Variants in SUN2 observed in about 807,000 individuals in gnomAD.
SUN2 encodes the protein Sad1 and UNC84 domain containing 2, also known as SUN domain-containing protein 2.
In SUN2, 60 loss-of-function variants were observed where a neutral mutation model predicts 100.0. The observed-to-expected ratio is 0.60, with a 90% CI of 0.49 to 0.74. SUN2 has a LOEUF of 0.74. Ranked by LOEUF, SUN2 falls within the 30% of genes least tolerant of loss-of-function variation. The pLI is 0.00. For synonymous variants in SUN2, 367 were observed against 403.3 expected, an observed-to-expected ratio of 0.91 and a Z score of 1.08; for missense variants, 834 against 954.6, an observed-to-expected ratio of 0.87 and a Z score of 1.66.
rs562617920 is a variant in SUN2, at chr22:38,754,947, A to G, written c.-38+816T>C. On this transcript the variant is annotated intron_variant, in intron 1 of 17. Coordinates refer to ENST00000689035, the MANE Select transcript of SUN2 (RefSeq NM_015374.3). ...GAAAAAGGTCGAGGCCCCATTCTCC[A>G]AAACAAGAAGTGAGCCTCTGGGAGC... The G allele has an allele frequency of 7.8e-5, 101 of 1,289,334 alleles. No individual in the cohort carries two copies. In the African/African-American group the frequency reaches 1.4e-3, roughly 18 times the overall value. The allele number at this position is 1,289,334 out of a possible 1,614,324, so 79.9% of individuals were successfully genotyped here. A position where few individuals can be genotyped will look rare whatever the true frequency, so the allele number is the denominator to read the frequency against.
At chr22:38,744,675 G>A (rs2092889038) in intron 8 of SUN2, among the ~76,000 whole-genome samples, 1 of 152,194 alleles carries the variant, frequency 6.6e-6, no homozygotes. Flanking sequence ...AAAATGAAGA[G>A]TTTTATTAAA....
In SUN2 at chr22:38,752,420, G is replaced by A. The variant is rs1017371267; in HGVS notation, c.122+87C>T. ...CACCCAAGGTTGCAACAAGAAGGCAGGGGGATGGCTGGACCACAGGGCGTG... is the reference window on the plus strand; with the variant it reads ...CACCCAAGGTTGCAACAAGAAGGCAAGGGGATGGCTGGACCACAGGGCGTG... On this transcript the variant is annotated intron_variant, in intron 2 of 17. Coordinates refer to ENST00000689035, the MANE Select transcript of SUN2 (RefSeq NM_015374.3). The A allele has an allele frequency of 3.3e-6, 5 of 1,498,934 alleles. No homozygotes were observed. The South Asian group carries it at 5.1e-5, about 15-fold the overall frequency. The allele number at this position is 1,498,934 out of a possible 1,614,324, so 92.9% of individuals were successfully genotyped here. A position where few individuals can be genotyped will look rare whatever the true frequency, so the allele number is the denominator to read the frequency against.
At chr22:38,752,279 T>C (rs1212656487) in intron 2 of SUN2, among the ~76,000 whole-genome samples, 2 of 152,204 alleles carry the variant, frequency 1.3e-5, no homozygotes, top group African/African-American at 4.8e-5. Flanking sequence ...TTTCTAAGCA[T>C]GAGGGCAGCA....
At chr22:38,744,406 G>A (rs894274723) in intron 8 of SUN2, among the ~76,000 whole-genome samples, 2 of 151,942 alleles carry the variant, frequency 1.3e-5, no homozygotes, top group African/African-American at 4.8e-5. Context: ...GTGAGACCCT[G>A]TCTCTACAAA....
chr22:38,749,502 G>A (rs1269371763), intron 6 of SUN2, among the ~76,000 whole-genome samples: 1 of 152,234 alleles, frequency 6.6e-6, no homozygotes, highest in Non-Finnish European at 1.5e-5. Context: ...GTGGCGTTTA[G>A]TAGAATGTGT....
At position 38,739,138 on chromosome 22, in the gene SUN2, C is replaced by A. The variant is rs1301507093; in HGVS notation, c.1664-150G>T. The A allele has an allele frequency of 2.5e-5, 23 of 934,864 alleles. No individual in the cohort carries two copies. The highest frequency in any genetic ancestry group is 3.5e-5 in the Non-Finnish European group (21 of 601,720). 57.9% of individuals were successfully genotyped at this position (934,864 alleles called of 1,614,324 possible). On this transcript the variant is annotated intron_variant, in intron 14 of 17. Transcript: ENST00000689035. This position sits in a 1 kb window ranked among gnomAD's most constrained non-coding sequence, Gnocchi z 6.7. ...AGATGCTCAGAGCAGCTTTAAAGGTCAGCCTCTCCCTGGCCCAGGATGGTA... is the reference window on the plus strand; with the variant it reads ...AGATGCTCAGAGCAGCTTTAAAGGTAAGCCTCTCCCTGGCCCAGGATGGTA...
chr22:38,739,412 G>T lies in SUN2; in HGVS notation c.1593C>A (p.Ile531=), dbSNP rs777909776. 1.2e-6 allele frequency: 2 copies of T among 1,613,090 alleles called. No homozygotes were observed. The highest frequency in any genetic ancestry group is 1.7e-6 in the Non-Finnish European group (2 of 1,180,010). ...TGTAGCGCTGCAGGGCCTGCTTCAC[G>T]ATGTGGTGCACCTGCTGCAATGCAG... ...IGVTEEQVHH[I]VKQALQRYSE... The change falls in exon 14 of 18, where the codon ATC becomes ATA. Residue 531 remains isoleucine (I), a synonymous_variant. Transcript: ENST00000689035. The surrounding 1 kb of genome is among the most constrained non-coding windows in gnomAD (Gnocchi z 6.7).
chr22:38,750,256 G>A lies in SUN2; in HGVS notation c.489C>T (p.Gly163=). Residue 163 remains glycine, a synonymous_variant, in exon 5 of 18, where the codon GGC becomes GGT. Coordinates refer to ENST00000689035, the MANE Select transcript of SUN2 (RefSeq NM_015374.3). ...AAGTGGCCACCATCCAGAGTAAGGAGCCCGCCCGTGAGACGGCGCTTCGGA... is the reference window on the plus strand; with the variant it reads ...AAGTGGCCACCATCCAGAGTAAGGAACCCGCCCGTGAGACGGCGCTTCGGA... ...SRLRSAVSRA[G]SLLWMVATSP... 6.2e-7 allele frequency: 1 copy of A among 1,613,708 alleles called. No homozygotes were observed.
In SUN2 at chr22:38,752,653, C is replaced by A; in HGVS notation, c.-25G>T. 6.2e-7 allele frequency: 1 copy of A among 1,611,868 alleles called. No homozygotes were observed. The highest frequency in any genetic ancestry group is 1.1e-5 in the South Asian group (1 of 90,906). On this transcript the variant is annotated 5_prime_UTR_variant, in exon 2 of 18. Coordinates refer to ENST00000689035, the MANE Select transcript of SUN2 (RefSeq NM_015374.3). ...TGATGAGGTGGGATGTGGACTCTTC[C>A]CCTGAAGAGAATCTAAGGAGAGAGA...
chr22:38,755,130 T>A lies in SUN2; in HGVS notation c.-38+633A>T. 1.0e-6 allele frequency: 1 copy of A among 989,352 alleles called. No homozygotes were observed. Among genetic ancestry groups the A allele is most frequent in the Non-Finnish European group, 1.3e-6 (1 of 757,310 alleles). The allele number at this position is 989,352 out of a possible 1,614,324, so 61.3% of individuals were successfully genotyped here. ...CCCTTCCCCATCACAAACATCTCCA[T>A]CCATCTTCAGACTTAAACCAGATCT... On this transcript the variant is annotated intron_variant, in intron 1 of 17. Coordinates refer to ENST00000689035, the MANE Select transcript of SUN2 (RefSeq NM_015374.3). The surrounding 1 kb of genome is among the most constrained non-coding windows in gnomAD (Gnocchi z 5.7).
chr22:38,755,601 G>GCGCGGGC lies in SUN2; in HGVS notation c.-38+155_-38+161dup. ...GGCGGGGGCCAGGAGGTGAGTCAGGGCGCGGGCCGCGGACCCGGGTGGAGG... is the reference window on the plus strand; with the variant it reads ...GGCGGGGGCCAGGAGGTGAGTCAGGGCGCGGGCCGCGGGCCGCGGACCCGGGTGGAGG... On this transcript the variant is annotated intron_variant, in intron 1 of 17. Transcript: ENST00000689035. The surrounding 1 kb of genome is among the most constrained non-coding windows in gnomAD (Gnocchi z 5.7). 4.3e-6 allele frequency: 4 copies of GCGCGGGC among 937,884 alleles called. No homozygotes were observed. The highest frequency in any genetic ancestry group is 3.8e-6 in the Non-Finnish European group (3 of 786,380). 58.1% of individuals were successfully genotyped at this position (937,884 alleles called of 1,614,324 possible).
At chr22:38,751,189 G>A in intron 3 of SUN2, 21 bp downstream of exon 3, 1 of 1,606,472 alleles carries the variant, frequency 6.2e-7, no homozygotes, top group Non-Finnish European at 8.5e-7. Context: ...AAAGCCCCGG[G>A]ACGGAGGGCT....
At position 38,751,330 on chromosome 22, in the gene SUN2, C is replaced by G. The variant is rs137966643; in HGVS notation, c.166G>C (p.Ala56Pro). ...KSSNMKRLSP[A>P]PQLGPSSDAH... is the part of the protein sequence containing the mutation. ...TCAGAGGACGGGCCCAGCTGTGGCG[C>G]TGGGGACAGGCGCTTCATGTTGCTG... Residue 56 changes from alanine (A) to proline (P), a missense_variant, in exon 3 of 18, where the codon GCG becomes CCG. Coordinates refer to ENST00000689035, the MANE Select transcript of SUN2 (RefSeq NM_015374.3). 1,220 of 1,613,954 alleles carry G rather than the reference C, an allele frequency of 7.6e-4. 2 individuals are homozygous for G. The highest frequency in any genetic ancestry group is 1.0e-3 in the Non-Finnish European group (1,176 of 1,180,026).
At chr22:38,750,204 T>C in intron 5 of SUN2, 21 bp downstream of exon 5, 1 of 1,604,202 alleles carries the variant, frequency 6.2e-7, no homozygotes, top group South Asian at 1.1e-5. Context: ...TGGAAGTAAC[T>C]GGGCACGGGT....
rs931313428 is a variant in SUN2 at position 38,755,219 on chromosome 22, C to T, written c.-38+544G>A. 2.5e-6 allele frequency: 3 copies of T among 1,181,984 alleles called. No homozygotes were observed. The African/African-American group carries it at 4.8e-5, about 19-fold the overall frequency. 73.2% of individuals were successfully genotyped at this position (1,181,984 alleles called of 1,614,324 possible). On this transcript the variant is annotated intron_variant, in intron 1 of 17. Coordinates refer to ENST00000689035, the MANE Select transcript of SUN2 (RefSeq NM_015374.3). The surrounding 1 kb of genome is among the most constrained non-coding windows in gnomAD (Gnocchi z 5.7). ...AGCCAGGCCACACGCCCTTGTGGGA[C>T]CTGCCAAACGCCCGGTGCTAACTCC...
intron 4 of SUN2, 112 bp downstream of exon 4, chr22:38,750,786 C>G: frequency 6.7e-7 from 1 of 1,501,160 alleles, no homozygotes; most frequent in Non-Finnish European, 9.0e-7. Flanking sequence ...GGGAGGGGCG[C>G]TGTGCCTGCC....
At chr22:38,751,400 T>C (rs1189582619) in intron 2 of SUN2, 27 bp from the exon 3 acceptor site, 1 of 1,610,840 alleles carries the variant, frequency 6.2e-7, no homozygotes, top group Admixed American at 1.7e-5. Context: ...AGGGCAGAGG[T>C]AGGGAGCAGG....
rs1321710613 is a variant in SUN2 at position 38,737,910 on chromosome 22, C to T, written c.2040+263G>A. On this transcript the variant is annotated intron_variant, in intron 17 of 17. Transcript: ENST00000689035. This position sits in a 1 kb window ranked among gnomAD's most constrained non-coding sequence, Gnocchi z 4.1. ...CGGCCTTCCTTTCCTGGCCACCCAA[C>T]CCCTCTTGTGTAAAGCCCACCTCCT... The T allele has an allele frequency of 1.5e-6, 1 of 658,876 alleles. No homozygotes were observed. The highest frequency in any genetic ancestry group is 2.9e-6 in the Non-Finnish European group (1 of 348,454). 40.8% of individuals were successfully genotyped at this position (658,876 alleles called of 1,614,324 possible).
chr22:38,751,131 G>A, intron 3 of SUN2, 79 bp downstream of exon 3: 1 of 1,606,582 alleles, frequency 6.2e-7, no homozygotes, highest in Non-Finnish European at 8.5e-7. Context: ...GAATCCCGGG[G>A]ACTGCAGGGG....
Sources: gnomAD v4.1 joint callset for allele counts (sites outside exome capture counted in the v4.1 genomes callset) on GRCh38, gnomAD v4.1.1 for gene constraint, Gnocchi (gnomAD v3.1) non-coding constraint, MANE v1.5 for transcripts, NCBI Gene and HGNC (gene_info 2026-07-23, HGNC 2026-07-21) for gene names.